Variants in ROBO2 observed in about 807,000 individuals in gnomAD.
ROBO2 encodes the protein roundabout guidance receptor 2, also known as roundabout homolog 2.
A neutral mutation model predicts 160.8 loss-of-function variants in ROBO2; 53 were observed. The observed-to-expected ratio is 0.33, with a 90% confidence interval of 0.26 to 0.41. ROBO2 has a LOEUF of 0.41. Among genes scored for constraint, ROBO2 ranks in the 10% least tolerant of loss-of-function variants. The pLI is 1.00. For synonymous variants in ROBO2, 664 were observed against 611.7 expected (o/e 1.09, Z -1.26); for missense variants, 1,577 against 1,722.4 (o/e 0.92, Z 1.49).
chr3:77,554,748 G>A lies in ROBO2; in HGVS notation c.1232-3196G>A, dbSNP rs541107660. On this transcript the variant is annotated intron_variant, in intron 8 of 25. Coordinates refer to ENST00000461745, the Ensembl canonical transcript of ROBO2. The stretch of plus-strand genomic sequence containing the variant: ...ATACAAATTGAACAAATGAAGAATT[G>A]CTTCTTAGGGATGACCAAAGAAAGT... 2.6e-5 allele frequency among the ~76,000 whole-genome samples: 4 copies of A among 152,078 alleles called. No homozygotes were observed. The South Asian group carries it at 8.3e-4, about 32-fold the overall frequency.
At chr3:76,710,051 C>T (rs1209156434) in intron 2 of ROBO2, among the ~76,000 whole-genome samples, 1 of 151,808 alleles carries the variant, frequency 6.6e-6, no homozygotes, top group Admixed American at 6.6e-5. Flanking sequence ...GAGAAAGAGA[C>T]ATGGAGAGAG....
At chr3:75,971,003 A>G (rs1433822156) in intron 2 of ROBO2, among the ~76,000 whole-genome samples, 2 of 151,366 alleles carry the variant, frequency 1.3e-5, no homozygotes, top group East Asian at 3.9e-4. Context: ...AATTTTCACA[A>G]TAAATTCAAA....
chr3:76,185,442 A>C (rs528688191), intron 2 of ROBO2, among the ~76,000 whole-genome samples: 33 of 152,020 alleles, frequency 2.2e-4, no homozygotes, highest in Admixed American at 1.4e-3. Flanking sequence ...AGGAGGCAAA[A>C]AATTATTTGG....
intron 2 of ROBO2, among the ~76,000 whole-genome samples, chr3:77,401,280 A>T (rs1296115606): frequency 1.3e-5 from 2 of 149,968 alleles, no homozygotes; most frequent in African/African-American, 4.9e-5. Flanking sequence ...AAAAAAACTC[A>T]AAGAGGGGAT....
At chr3:76,124,900 T>C (rs1172068972) in intron 2 of ROBO2, among the ~76,000 whole-genome samples, 1 of 152,148 alleles carries the variant, frequency 6.6e-6, no homozygotes, top group East Asian at 1.9e-4. Context: ...ATTTGTTACA[T>C]GGGAATATTC....
At chr3:77,568,854 T>C (rs888046485) in intron 13 of ROBO2, among the ~76,000 whole-genome samples, 1 of 152,048 alleles carries the variant, frequency 6.6e-6, no homozygotes, top group Non-Finnish European at 1.5e-5. Flanking sequence ...ATCTACTCTA[T>C]GTTTTTGTAG....
chr3:76,833,314 G>C (rs1044015934), intron 2 of ROBO2, among the ~76,000 whole-genome samples: 4 of 152,014 alleles, frequency 2.6e-5, no homozygotes, highest in African/African-American at 9.7e-5. Context: ...GACAACTATT[G>C]GTGGCATCAC....
chr3:75,976,288 T>C (rs2065132301), intron 2 of ROBO2, among the ~76,000 whole-genome samples: 1 of 151,646 alleles, frequency 6.6e-6, no homozygotes. Flanking sequence ...AGCCACACAC[T>C]GGAGATCACT....
intron 2 of ROBO2, among the ~76,000 whole-genome samples, chr3:76,835,791 T>C (rs1474133147): frequency 6.6e-6 from 1 of 152,042 alleles, no homozygotes; most frequent in Non-Finnish European, 1.5e-5. Flanking sequence ...TTTCTGAAAA[T>C]TTATGGTTCC....
At chr3:76,343,064 T>C (rs1021295628) in intron 2 of ROBO2, among the ~76,000 whole-genome samples, 1 of 152,104 alleles carries the variant, frequency 6.6e-6, no homozygotes, top group African/African-American at 2.4e-5. Context: ...TAGGTCTTTC[T>C]CGGTAAATAT....
intron 2 of ROBO2, among the ~76,000 whole-genome samples, chr3:76,884,153 G>A (rs780057807): frequency 4.6e-5 from 7 of 152,094 alleles, no homozygotes; most frequent in African/African-American, 1.7e-4. Context: ...TAGAAGTTAA[G>A]TTTAAATTTG....
chr3:76,847,794 A>T (rs1473908420), intron 2 of ROBO2, among the ~76,000 whole-genome samples: 1 of 152,126 alleles, frequency 6.6e-6, no homozygotes, highest in Non-Finnish European at 1.5e-5. Flanking sequence ...TTTCTAATAC[A>T]TGGTATCATT....
chr3:76,562,666 A>G (rs1278874511), intron 2 of ROBO2, among the ~76,000 whole-genome samples: 1 of 152,198 alleles, frequency 6.6e-6, no homozygotes, highest in African/African-American at 2.4e-5. Flanking sequence ...CTTGCAGACT[A>G]TAGTTTCTGC....
In ROBO2 at chr3:76,233,782, C is replaced by A. The variant is rs77349667; in HGVS notation, c.109+296180C>A. Among the ~76,000 whole-genome samples the A allele has an allele frequency of 2.0e-5, 3 of 152,244 alleles. No homozygotes were observed. The East Asian group carries it at 5.8e-4, about 29-fold the overall frequency. On this transcript the variant is annotated intron_variant, in intron 2 of 26. Transcript: ENST00000487694. ...GGTTTAGATTCAAACAATTCATAAA[C>A]GTACACTCTTTTAGTTTACTTTTTT...
chr3:76,994,859 A>C (rs2060897619), intron 2 of ROBO2, among the ~76,000 whole-genome samples: 1 of 152,230 alleles, frequency 6.6e-6, no homozygotes, highest in African/African-American at 2.4e-5. Context: ...ATATAATAAA[A>C]ACATATCAAA....
At chr3:76,883,559 A>T (rs1413586902) in intron 2 of ROBO2, among the ~76,000 whole-genome samples, 1 of 152,214 alleles carries the variant, frequency 6.6e-6, no homozygotes, top group Non-Finnish European at 1.5e-5. Context: ...ATATGATGGA[A>T]ACCATTTATC....
At chr3:76,794,869 T>G (rs1013848493) in intron 2 of ROBO2, among the ~76,000 whole-genome samples, 3 of 152,026 alleles carry the variant, frequency 2.0e-5, no homozygotes, top group Admixed American at 2.0e-4. Flanking sequence ...ATTTGTAAAA[T>G]AAAAGTAATG....
chr3:77,118,850 A>G (rs2074455503), intron 2 of ROBO2, among the ~76,000 whole-genome samples: 1 of 152,184 alleles, frequency 6.6e-6, no homozygotes, highest in Non-Finnish European at 1.5e-5. Context: ...CACCTTGACT[A>G]TAACGTGTAG....
intron 2 of ROBO2, among the ~76,000 whole-genome samples, chr3:76,024,031 AAAT>A (rs992983119): frequency 1.3e-5 from 2 of 151,518 alleles, no homozygotes; most frequent in African/African-American, 4.8e-5. Flanking sequence ...TTTTATATAA[AAAT>A]CTATTGTTTA....
Sources: gnomAD v4.1 joint callset for allele counts (sites outside exome capture counted in the v4.1 genomes callset) on GRCh38, gnomAD v4.1.1 for gene constraint, MANE v1.5 for transcripts, NCBI Gene and HGNC (gene_info 2026-07-23, HGNC 2026-07-21) for gene names.